Variants in PITPNC1 observed in about 807,000 individuals in gnomAD.
PITPNC1 encodes phosphatidylinositol transfer protein cytoplasmic 1, also known as cytoplasmic phosphatidylinositol transfer protein 1.
A neutral mutation model predicts 44.7 loss-of-function variants in PITPNC1; 18 were observed. The observed-to-expected ratio is 0.40, with a 90% confidence interval of 0.28 to 0.60. The LOEUF (loss-of-function observed/expected upper bound fraction) is 0.60, where lower values mean the gene tolerates loss of function less well. Among genes scored for constraint, PITPNC1 ranks in the 20% least tolerant of loss-of-function variants. PITPNC1 has a pLI of 0.39. For missense variants in PITPNC1, 290 were observed against 418.4 expected, an observed-to-expected ratio of 0.69 and a Z score of 2.68; for synonymous variants, 141 against 149.6, an observed-to-expected ratio of 0.94 and a Z score of 0.42.
intron 1 of PITPNC1, among the ~76,000 whole-genome samples, chr17:67,465,537 A>T (rs2039413222): frequency 6.6e-6 from 1 of 152,200 alleles, no homozygotes; most frequent in Non-Finnish European, 1.5e-5. Context: ...GTGCCCAGGA[A>T]CTAGCAAAAT....
At chr17:67,555,509 T>C (rs1362514361) in intron 4 of PITPNC1, among the ~76,000 whole-genome samples, 1 of 152,016 alleles carries the variant, frequency 6.6e-6, no homozygotes, top group Non-Finnish European at 1.5e-5. Context: ...TTCCATTGCT[T>C]CTGGCAACTG....
At chr17:67,503,601 G>A (rs534157689) in intron 1 of PITPNC1, among the ~76,000 whole-genome samples, 3 of 152,256 alleles carry the variant, frequency 2.0e-5, no homozygotes, top group South Asian at 2.1e-4. Flanking sequence ...AATGATTAGC[G>A]TGCATGGGAG....
At chr17:67,624,674 A>T (rs114942993) in intron 5 of PITPNC1, among the ~76,000 whole-genome samples, 2,166 of 152,168 alleles carry the variant, frequency 0.014, 54 homozygotes, top group African/African-American at 0.049. Context: ...GGCACCCGCC[A>T]ATATGCCCAG....
intron 2 of PITPNC1, among the ~76,000 whole-genome samples, chr17:67,534,459 G>A (rs924138639): frequency 1.3e-5 from 2 of 151,856 alleles, no homozygotes; most frequent in Non-Finnish European, 2.9e-5. Flanking sequence ...GTAACATGGC[G>A]AAACCCCATC....
chr17:67,609,117 C>A (rs769011560), intron 5 of PITPNC1, among the ~76,000 whole-genome samples: 1 of 151,974 alleles, frequency 6.6e-6, no homozygotes, highest in Non-Finnish European at 1.5e-5. Context: ...CTGCCTCAGC[C>A]TCCCGAAGTG....
intron 1 of PITPNC1, among the ~76,000 whole-genome samples, chr17:67,500,531 A>C (rs2040011770): frequency 6.6e-6 from 1 of 152,208 alleles, no homozygotes; most frequent in African/African-American, 2.4e-5. Context: ...TTTTAGGATA[A>C]GGAAAATGTT....
At chr17:67,458,925 G>A (rs367940657) in intron 1 of PITPNC1, among the ~76,000 whole-genome samples, 50 of 152,038 alleles carry the variant, frequency 3.3e-4, no homozygotes, top group African/African-American at 1.2e-3. Flanking sequence ...GGATCACCCC[G>A]CTTAAGGCTC....
intron 1 of PITPNC1, among the ~76,000 whole-genome samples, chr17:67,471,255 AAG>A (rs1374219099): frequency 1.3e-5 from 2 of 150,498 alleles, no homozygotes; most frequent in Non-Finnish European, 3.0e-5. Flanking sequence ...AAAAAAAAAA[AAG>A]AAATTCATCC....
At chr17:67,571,414 T>G (rs1012035662) in intron 4 of PITPNC1, among the ~76,000 whole-genome samples, 2 of 152,162 alleles carry the variant, frequency 1.3e-5, no homozygotes, top group Non-Finnish European at 2.9e-5. Context: ...GGCAACAGAA[T>G]GAGGCTCTGT....
At chr17:67,484,493 G>A (rs2039750485) in intron 1 of PITPNC1, among the ~76,000 whole-genome samples, 1 of 152,188 alleles carries the variant, frequency 6.6e-6, no homozygotes, top group Non-Finnish European at 1.5e-5. Flanking sequence ...CAGGGCTTCT[G>A]TCATTGTTAA....
At chr17:67,435,353 G>A (rs1035864737) in intron 1 of PITPNC1, among the ~76,000 whole-genome samples, 3 of 152,112 alleles carry the variant, frequency 2.0e-5, no homozygotes, top group Admixed American at 6.6e-5. Flanking sequence ...GACACCCTCC[G>A]GGGCCATTGT....
At chr17:67,685,883 T>C (rs542447171) in intron 8 of PITPNC1, among the ~76,000 whole-genome samples, 1 of 152,006 alleles carries the variant, frequency 6.6e-6, no homozygotes, top group South Asian at 2.1e-4. Context: ...CAGGCTGGAG[T>C]GCAGTGGTGT....
At chr17:67,603,215 G>A (rs964345074) in intron 5 of PITPNC1, among the ~76,000 whole-genome samples, 2 of 152,166 alleles carry the variant, frequency 1.3e-5, no homozygotes, top group African/African-American at 2.4e-5. Context: ...AAGTACAGCT[G>A]GAGCAAGCAG....
chr17:67,617,844 G>A (rs574852087), intron 5 of PITPNC1, among the ~76,000 whole-genome samples: 5 of 152,110 alleles, frequency 3.3e-5, no homozygotes, highest in Non-Finnish European at 2.9e-5. Context: ...AGATTTAGGA[G>A]CCACCCTAAA....
At chr17:67,567,328 C>T (rs1053017839) in intron 4 of PITPNC1, among the ~76,000 whole-genome samples, 2 of 151,868 alleles carry the variant, frequency 1.3e-5, no homozygotes, top group Non-Finnish European at 2.9e-5. Flanking sequence ...ACTAAAAATA[C>T]AAAAAATTAG....
chr17:67,420,654 A>C (rs2038660007), intron 1 of PITPNC1, among the ~76,000 whole-genome samples: 1 of 149,508 alleles, frequency 6.7e-6, no homozygotes, highest in African/African-American at 2.5e-5. Context: ...CTGGTCTTGA[A>C]CTCCTGGCCT....
chr17:67,421,704 A>G (rs1215353982), intron 1 of PITPNC1, among the ~76,000 whole-genome samples: 1 of 152,188 alleles, frequency 6.6e-6, no homozygotes, highest in African/African-American at 2.4e-5. Flanking sequence ...TCTCACATCC[A>G]ATTCCAGGAA....
chr17:67,399,908 AT>A (rs1441937086), intron 1 of PITPNC1, among the ~76,000 whole-genome samples: 1 of 152,194 alleles, frequency 6.6e-6, no homozygotes, highest in African/African-American at 2.4e-5. Flanking sequence ...GATATCAATG[AT>A]TTGATTGAGA....
At chr17:67,554,781 C>T (rs549574850) in intron 4 of PITPNC1, among the ~76,000 whole-genome samples, 6 of 152,318 alleles carry the variant, frequency 3.9e-5, no homozygotes, top group South Asian at 4.1e-4. Context: ...CAGGCTTTGG[C>T]GTCAGAAAGG....
Sources: gnomAD v4.1 joint callset for allele counts (sites outside exome capture counted in the v4.1 genomes callset) on GRCh38, gnomAD v4.1.1 for gene constraint, MANE v1.5 for transcripts, NCBI Gene and HGNC (gene_info 2026-07-23, HGNC 2026-07-21) for gene names.